The following PDE4D variants were observed in gnomAD, a reference collection of about 807,000 sequenced individuals.
PDE4D encodes the protein phosphodiesterase 4D.
Under a neutral mutation model 87.4 loss-of-function variants are expected in PDE4D, and 24 were observed. The observed-to-expected ratio is 0.27, with a 90% confidence interval of 0.20 to 0.39. The LOEUF (loss-of-function observed/expected upper bound fraction) is 0.39, where lower values mean the gene tolerates loss of function less well. PDE4D is among the 10% of genes least tolerant of loss of function. PDE4D has a pLI of 1.00. For synonymous variants in PDE4D, 384 were observed against 383.2 expected (o/e 1.00, Z -0.02); for missense variants, 714 against 1,041.0 (o/e 0.69, Z 4.32).
At chr5:60,384,252 G>A (rs1045278286) in intron 1 of PDE4D, among the ~76,000 whole-genome samples, 2 of 151,202 alleles carry the variant, frequency 1.3e-5, no homozygotes, top group Admixed American at 1.3e-4. Context: ...CAAATAGAGG[G>A]GCAGCATTTT....
At chr5:60,268,867 C>A (rs1750516708) in intron 1 of PDE4D, among the ~76,000 whole-genome samples, 1 of 152,160 alleles carries the variant, frequency 6.6e-6, no homozygotes. Flanking sequence ...AGCTTTCTTA[C>A]AGATACCAAT....
chr5:59,321,586 A>G (rs1006763933), intron 1 of PDE4D, among the ~76,000 whole-genome samples: 1 of 152,160 alleles, frequency 6.6e-6, no homozygotes, highest in Non-Finnish European at 1.5e-5. Context: ...TCATAAAAAG[A>G]AAGCTAGAGT....
intron 3 of PDE4D, among the ~76,000 whole-genome samples, chr5:59,955,211 T>C (rs1374453721): frequency 6.6e-6 from 1 of 152,214 alleles, no homozygotes; most frequent in Non-Finnish European, 1.5e-5. Context: ...GAGTTTCATC[T>C]TAATACTTAT....
At chr5:59,526,747 C>A (rs982209972) in intron 1 of PDE4D, among the ~76,000 whole-genome samples, 14 of 152,166 alleles carry the variant, frequency 9.2e-5, no homozygotes, top group African/African-American at 2.9e-4. Context: ...CCTCAGCCAC[C>A]CTAGTAGCTA....
chr5:59,006,541 C>A (rs562133642), intron 6 of PDE4D, among the ~76,000 whole-genome samples: 6 of 152,028 alleles, frequency 3.9e-5, no homozygotes, highest in African/African-American at 1.4e-4. Flanking sequence ...ATGATTGCAC[C>A]ACTGTACTCC....
chr5:59,726,990 C>T (rs1006002288), intron 1 of PDE4D, among the ~76,000 whole-genome samples: 1 of 152,082 alleles, frequency 6.6e-6, no homozygotes, highest in Non-Finnish European at 1.5e-5. Context: ...GAGATACATT[C>T]TTATCTTAAT....
intron 1 of PDE4D, among the ~76,000 whole-genome samples, chr5:59,658,530 C>T (rs1039813108): frequency 4.6e-5 from 7 of 152,112 alleles, no homozygotes; most frequent in Admixed American, 6.5e-5. Context: ...TGCAGGCGCC[C>T]GCCACTGCGC....
intron 1 of PDE4D, among the ~76,000 whole-genome samples, chr5:59,418,390 C>A (rs1362127007): frequency 6.6e-6 from 1 of 152,174 alleles, no homozygotes; most frequent in African/African-American, 2.4e-5. Context: ...TACATCCACA[C>A]CTTTGTGAGA....
intron 1 of PDE4D, among the ~76,000 whole-genome samples, chr5:60,360,047 G>C (rs1460231444): frequency 6.6e-6 from 1 of 152,178 alleles, no homozygotes; most frequent in African/African-American, 2.4e-5. Context: ...TACAAAGTGG[G>C]TAAGCCCCAA....
chr5:60,243,067 A>G (rs1224722124), intron 1 of PDE4D, among the ~76,000 whole-genome samples: 1 of 151,918 alleles, frequency 6.6e-6, no homozygotes, highest in Non-Finnish European at 1.5e-5. Context: ...GACAAAATAG[A>G]TTAACCTTTA....
chr5:59,258,307 ACT>A (rs760291465), intron 1 of PDE4D, among the ~76,000 whole-genome samples: 12 of 151,852 alleles, frequency 7.9e-5, no homozygotes, highest in Non-Finnish European at 1.6e-4. Context: ...ACACAAACAC[ACT>A]GTTTAACTCG....
chr5:59,783,758 C>G (rs914578916), intron 1 of PDE4D, among the ~76,000 whole-genome samples: 1 of 152,156 alleles, frequency 6.6e-6, no homozygotes. Flanking sequence ...ATGTAAAGAA[C>G]ATTCCATGTA....
At chr5:59,011,378 A>G (rs1042662024) in intron 6 of PDE4D, among the ~76,000 whole-genome samples, 1 of 152,196 alleles carries the variant, frequency 6.6e-6, no homozygotes, top group Non-Finnish European at 1.5e-5. Context: ...AACCCATCGC[A>G]AAGAAGCTAA....
intron 1 of PDE4D, among the ~76,000 whole-genome samples, chr5:59,453,407 A>C (rs762318447): frequency 1.3e-5 from 2 of 152,272 alleles, no homozygotes; most frequent in Non-Finnish European, 2.9e-5. Context: ...TTAGTAAGGC[A>C]TGTCAAAAGT....
At chr5:58,989,981 A>T in intron 9 of PDE4D, 62 bp from the exon 10 acceptor site, 1 of 931,928 alleles carries the variant, frequency 1.1e-6, no homozygotes, top group Non-Finnish European at 1.5e-6. Flanking sequence ...TCCATAGAGT[A>T]TGTTTAAAAA....
chr5:59,201,033 G>A (rs1012691303), intron 2 of PDE4D, among the ~76,000 whole-genome samples: 5 of 151,510 alleles, frequency 3.3e-5, no homozygotes, highest in Admixed American at 6.6e-5. Flanking sequence ...ATCTATATTC[G>A]GTAATCTCTA....
rs114094183 is a variant in PDE4D, at chr5:59,513,869, C to T, written c.456-297901G>A. Among the ~76,000 whole-genome samples, 391 of 152,180 alleles carry T rather than the reference C, an allele frequency of 2.6e-3. 9 individuals are homozygous for T. The highest frequency in any genetic ancestry group is 9.0e-3 in the African/African-American group (372 of 41,524). On this transcript the variant is annotated intron_variant, in intron 1 of 14. Transcript: ENST00000340635. ...TCGCTGTAAAGATACAGGTTTAAAT[C>T]TCAGTAAGAGAGATTGAGATTCAGG...
At chr5:60,160,364 T>C (rs1330307320) in intron 2 of PDE4D, among the ~76,000 whole-genome samples, 2 of 152,136 alleles carry the variant, frequency 1.3e-5, no homozygotes, top group Non-Finnish European at 2.9e-5. Context: ...AATTCTATAT[T>C]GAATTTAGTC....
Position 58,991,318 on chromosome 5 carries a change from A to G in PDE4D, c.1189-416T>C, listed in dbSNP as rs552765565. 3.9e-5 allele frequency among the ~76,000 whole-genome samples: 6 copies of G among 152,256 alleles called. No homozygotes were observed. The East Asian group carries it at 1.2e-3, about 29-fold the overall frequency. On this transcript the variant is annotated intron_variant, in intron 8 of 14. Transcript: ENST00000340635. Reference sequence around the variant, plus strand: ...CAAACAAAACAAAACAAAACAAAACAGACTTCAGTGTAAAGATTGTTAGAT... The same window carrying G: ...CAAACAAAACAAAACAAAACAAAACGGACTTCAGTGTAAAGATTGTTAGAT...
Sources: gnomAD v4.1 joint callset for allele counts (sites outside exome capture counted in the v4.1 genomes callset) on GRCh38, gnomAD v4.1.1 for gene constraint, MANE v1.5 for transcripts, NCBI Gene and HGNC (gene_info 2026-07-23, HGNC 2026-07-21) for gene names.